Variants in GAREM1 observed in about 807,000 individuals in gnomAD.
The protein encoded by GAREM1 is GRB2 associated regulator of MAPK1 subtype 1.
Under a neutral mutation model 71.3 loss-of-function variants are expected in GAREM1, and 26 were observed. The observed-to-expected ratio is 0.36, with a 90% CI of 0.27 to 0.51. GAREM1 has a LOEUF of 0.51. Among genes scored for constraint, GAREM1 ranks in the 20% least tolerant of loss-of-function variants. The pLI is 0.95. For synonymous variants in GAREM1, 440 were observed against 433.2 expected (o/e 1.02, Z -0.20); for missense variants, 1,026 against 1,103.1 (o/e 0.93, Z 0.99).
At chr18:32,364,242 C>T (rs2047907053) in intron 2 of GAREM1, among the ~76,000 whole-genome samples, 1 of 150,830 alleles carries the variant, frequency 6.6e-6, no homozygotes, top group South Asian at 2.1e-4. Flanking sequence ...ACCATGTTGG[C>T]CAGGCTGGTC....
At chr18:32,288,267 T>G in intron 3 of GAREM1, 64 bp from the exon 4 acceptor site, 2 of 1,326,084 alleles carry the variant, frequency 1.5e-6, no homozygotes, top group East Asian at 4.7e-5. Context: ...AAGAACTTCC[T>G]ATTAAGACAC....
At chr18:32,335,176 T>C (rs2047577463) in intron 2 of GAREM1, among the ~76,000 whole-genome samples, 1 of 152,270 alleles carries the variant, frequency 6.6e-6, no homozygotes, top group African/African-American at 2.4e-5. Flanking sequence ...TTTTATTCAA[T>C]TGTGGGCATT....
chr18:32,286,923 G>A, intron 4 of GAREM1, 108 bp downstream of exon 4: 1 of 778,034 alleles, frequency 1.3e-6, no homozygotes, highest in Non-Finnish European at 2.1e-6. Flanking sequence ...AAACAAATTT[G>A]CTCACTCTGC....
At chr18:32,382,523 G>A (rs912904385) in intron 2 of GAREM1, among the ~76,000 whole-genome samples, 3 of 151,568 alleles carry the variant, frequency 2.0e-5, no homozygotes, top group African/African-American at 7.2e-5. Context: ...GTTGTCTGCT[G>A]GAGGATGATG....
intron 2 of GAREM1, among the ~76,000 whole-genome samples, chr18:32,345,016 T>A (rs1183136204): frequency 6.6e-6 from 1 of 152,110 alleles, no homozygotes; most frequent in Non-Finnish European, 1.5e-5. Context: ...AAGCCGAGAT[T>A]GTGCCACGGC....
chr18:32,429,947 A>C (rs1254020709), intron 1 of GAREM1, among the ~76,000 whole-genome samples: 1 of 152,256 alleles, frequency 6.6e-6, no homozygotes, highest in Non-Finnish European at 1.5e-5. Context: ...AAGTTCAAAA[A>C]ATACTAGAAA....
chr18:32,451,236 G>A (rs73421974), intron 1 of GAREM1, among the ~76,000 whole-genome samples: 5,438 of 151,708 alleles, frequency 0.036, 340 homozygotes, highest in African/African-American at 0.12. Flanking sequence ...ATGATGGAGA[G>A]CAGAGCCCCC....
chr18:32,369,081 A>G (rs186696936), intron 2 of GAREM1, among the ~76,000 whole-genome samples: 158 of 152,344 alleles, frequency 1.0e-3, no homozygotes, highest in African/African-American at 3.5e-3. Context: ...TTCCCCACAC[A>G]TAAGTTCTAC....
intron 1 of GAREM1, among the ~76,000 whole-genome samples, chr18:32,463,835 C>T (rs1483800597): frequency 1.3e-5 from 2 of 151,904 alleles, no homozygotes; most frequent in African/African-American, 4.8e-5. Flanking sequence ...TCCCAAAGTG[C>T]TGGGATTACA....
chr18:32,451,761 C>T (rs2048842819), intron 1 of GAREM1, among the ~76,000 whole-genome samples: 1 of 152,090 alleles, frequency 6.6e-6, no homozygotes, highest in Non-Finnish European at 1.5e-5. Context: ...GGGCCTTTCC[C>T]ATATTTACAG....
intron 1 of GAREM1, among the ~76,000 whole-genome samples, chr18:32,409,228 T>C (rs1435490513): frequency 6.6e-6 from 1 of 152,172 alleles, no homozygotes; most frequent in Non-Finnish European, 1.5e-5. Flanking sequence ...TAAATATAAA[T>C]TAAGCACTCA....
At chr18:32,303,081 C>T (rs939334057) in intron 3 of GAREM1, among the ~76,000 whole-genome samples, 1 of 152,202 alleles carries the variant, frequency 6.6e-6, no homozygotes, top group Non-Finnish European at 1.5e-5. Flanking sequence ...AATGAAACTT[C>T]ACATTCCCGA....
At chr18:32,394,247 C>T (rs1599015712) in intron 1 of GAREM1, among the ~76,000 whole-genome samples, 2 of 151,774 alleles carry the variant, frequency 1.3e-5, no homozygotes, top group East Asian at 3.9e-4. Context: ...AAAAAAAATA[C>T]AAAAATTTGT....
At chr18:32,461,241 T>C (rs2048951791) in intron 1 of GAREM1, among the ~76,000 whole-genome samples, 2 of 152,218 alleles carry the variant, frequency 1.3e-5, no homozygotes, top group African/African-American at 4.8e-5. Flanking sequence ...TAAATGCTTA[T>C]TGGGTGCTTT....
intron 1 of GAREM1, among the ~76,000 whole-genome samples, chr18:32,395,496 G>A (rs909648864): frequency 6.6e-6 from 1 of 152,190 alleles, no homozygotes; most frequent in Non-Finnish European, 1.5e-5. Context: ...TAGAACAGGG[G>A]ACAGTTCACA....
chr18:32,316,184 T>C (rs1170518662), intron 2 of GAREM1, among the ~76,000 whole-genome samples: 2 of 152,190 alleles, frequency 1.3e-5, no homozygotes, highest in Non-Finnish European at 2.9e-5. Context: ...CACACACAGA[T>C]AAGAGAACAA....
intron 2 of GAREM1, among the ~76,000 whole-genome samples, chr18:32,354,912 C>A (rs1444787771): frequency 2.0e-5 from 3 of 152,042 alleles, no homozygotes; most frequent in Admixed American, 6.5e-5. Flanking sequence ...GAACTCTGTT[C>A]CAGAAAATTC....
At chr18:32,270,895 A>ATT (rs1484397867) in intron 4 of GAREM1, among the ~76,000 whole-genome samples, 7 of 89,254 alleles carry the variant, frequency 7.8e-5, no homozygotes, top group East Asian at 6.5e-4. Flanking sequence ...ATGTTCAGGG[A>ATT]TGTTTTTTTT....
At chr18:32,369,310 T>C (rs2047954792) in intron 2 of GAREM1, among the ~76,000 whole-genome samples, 1 of 152,230 alleles carries the variant, frequency 6.6e-6, no homozygotes, top group African/African-American at 2.4e-5. Flanking sequence ...TGAGCAGAGA[T>C]AGTTAGGAAT....
Sources: gnomAD v4.1 joint callset for allele counts (sites outside exome capture counted in the v4.1 genomes callset) on GRCh38, gnomAD v4.1.1 for gene constraint, MANE v1.5 for transcripts, NCBI Gene and HGNC (gene_info 2026-07-23, HGNC 2026-07-21) for gene names.